VPS13B: variants seen among roughly 807,000 people sequenced by gnomAD.
The protein encoded by VPS13B is intermembrane lipid transfer protein VPS13B.
Under a neutral mutation model 426.4 loss-of-function variants are expected in VPS13B, and 285 were observed. That is an observed-to-expected ratio of 0.67 (90% CI 0.61 to 0.74). The LOEUF is 0.74. Among genes scored for constraint, VPS13B ranks in the 30% least tolerant of loss-of-function variants. VPS13B has a pLI of 0.00. For missense variants in VPS13B, 4,537 were observed against 4,782.6 expected, an observed-to-expected ratio of 0.95 and a Z score of 1.51; for synonymous variants, 1,676 against 1,676.4, an observed-to-expected ratio of 1.00 and a Z score of 0.01.
intron 31 of VPS13B, among the ~76,000 whole-genome samples, chr8:99,572,399 T>G (rs1482506292): frequency 2.0e-5 from 3 of 152,128 alleles, no homozygotes; most frequent in East Asian, 3.9e-4. Flanking sequence ...CCATGTTGGT[T>G]TGCTGCACCC....
intron 33 of VPS13B, among the ~76,000 whole-genome samples, chr8:99,602,181 T>A (rs1479171305): frequency 6.6e-6 from 1 of 152,166 alleles, no homozygotes; most frequent in African/African-American, 2.4e-5. Flanking sequence ...TTGTATGAGG[T>A]GTAAGGAAGG....
intron 43 of VPS13B, among the ~76,000 whole-genome samples, chr8:99,794,824 CTACTT>C (rs376968920): frequency 6.8e-4 from 104 of 152,240 alleles, no homozygotes; most frequent in African/African-American, 2.4e-3. Flanking sequence ...AAGCCCTTCT[CTACTT>C]TAAGATTTTT....
At chr8:99,548,512 A>G (rs1483501929) in intron 30 of VPS13B, among the ~76,000 whole-genome samples, 2 of 152,002 alleles carry the variant, frequency 1.3e-5, no homozygotes, top group Non-Finnish European at 2.9e-5. Context: ...TACCCCATAA[A>G]TTTATACATT....
intron 24 of VPS13B, among the ~76,000 whole-genome samples, chr8:99,468,019 A>G (rs1819201692): frequency 6.6e-6 from 1 of 152,156 alleles, no homozygotes; most frequent in South Asian, 2.1e-4. Context: ...TTATTATTAT[A>G]CTTTAACTTC....
chr8:99,014,079 T>TTATTTTAC, intron 2 of VPS13B, 144 bp downstream of exon 2: 1 of 869,910 alleles, frequency 1.1e-6, no homozygotes, highest in Non-Finnish European at 1.8e-6. Flanking sequence ...CAAGGGGGCT[T>TTATTTTAC]TATTTTACAC....
chr8:99,479,451 A>T (rs1288624265), intron 24 of VPS13B, among the ~76,000 whole-genome samples: 1 of 152,170 alleles, frequency 6.6e-6, no homozygotes, highest in Non-Finnish European at 1.5e-5. Flanking sequence ...AGGGATTTTT[A>T]AAAAATGTTT....
At chr8:99,797,615 C>T (rs1412766420) in intron 43 of VPS13B, among the ~76,000 whole-genome samples, 1 of 152,136 alleles carries the variant, frequency 6.6e-6, no homozygotes, top group African/African-American at 2.4e-5. Context: ...CTCCTGGTCA[C>T]ACACCCCTCC....
chr8:99,380,000 T>A (rs1001950340), intron 19 of VPS13B, among the ~76,000 whole-genome samples: 9 of 152,166 alleles, frequency 5.9e-5, no homozygotes, highest in Admixed American at 5.9e-4. Flanking sequence ...TGCTTTAAAA[T>A]CAAAAGGTCT....
At chr8:99,458,438 A>C (rs1039977955) in intron 23 of VPS13B, among the ~76,000 whole-genome samples, 10 of 152,272 alleles carry the variant, frequency 6.6e-5, no homozygotes, top group African/African-American at 2.4e-4. Context: ...ATACCCAGTA[A>C]TGGGATGGCT....
At chr8:99,697,677 C>T (rs1000888289) in intron 35 of VPS13B, 4 of 644,054 alleles carry the variant, frequency 6.2e-6, no homozygotes, top group East Asian at 3.1e-5. Flanking sequence ...TCGGGCAGAT[C>T]GAGGGCTTGA....
intron 17 of VPS13B, among the ~76,000 whole-genome samples, chr8:99,250,372 G>A (rs958196037): frequency 6.6e-6 from 1 of 151,966 alleles, no homozygotes; most frequent in African/African-American, 2.4e-5. Flanking sequence ...ATTTTGATGA[G>A]GCCAATTTTT....
At chr8:99,296,504 A>G (rs916757152) in intron 19 of VPS13B, among the ~76,000 whole-genome samples, 1 of 152,166 alleles carries the variant, frequency 6.6e-6, no homozygotes, top group Non-Finnish European at 1.5e-5. Context: ...ATTTGAATGA[A>G]TTTTTCTAGT....
rs183009315 is a variant in VPS13B, at chr8:99,050,865, A to C, written c.291+12299A>C. On this transcript the variant is annotated intron_variant, in intron 3 of 61. Coordinates refer to ENST00000357162, the MANE Select transcript of VPS13B (RefSeq NM_152564.5). ...AAGTGTCTGTTCATATGCTTTGCCC[A>C]CTTTTTGATGGGGTTGTTTTTTTCT... Among the ~76,000 whole-genome samples the C allele has an allele frequency of 1.1e-4, 16 of 152,228 alleles. No homozygotes were observed. The South Asian group carries it at 3.3e-3, about 32-fold the overall frequency.
At chr8:99,044,853 TACACAC>T (rs60056711) in intron 3 of VPS13B, among the ~76,000 whole-genome samples, 19,358 of 139,692 alleles carry the variant, frequency 0.14, 1,306 homozygotes, top group Non-Finnish European at 0.15. Context: ...TTCCATTTTA[TACACAC>T]ACACACACAC....
intron 43 of VPS13B, among the ~76,000 whole-genome samples, chr8:99,806,759 T>C (rs1813422343): frequency 6.6e-6 from 1 of 152,216 alleles, no homozygotes; most frequent in African/African-American, 2.4e-5. Flanking sequence ...TGTTACTAAA[T>C]GGAGACTTAC....
At chr8:99,126,858 C>G (rs973342784) in intron 8 of VPS13B, among the ~76,000 whole-genome samples, 81 of 152,038 alleles carry the variant, frequency 5.3e-4, no homozygotes, top group African/African-American at 1.9e-3. Context: ...CTTTAGGAGG[C>G]CAAAGCAGGC....
chr8:99,366,610 G>C (rs916304624), intron 19 of VPS13B, among the ~76,000 whole-genome samples: 3 of 148,740 alleles, frequency 2.0e-5, no homozygotes, highest in Non-Finnish European at 4.5e-5. Context: ...TGTTATTATT[G>C]ATAAGTAAAG....
At chr8:99,325,617 A>T (rs1473964842) in intron 19 of VPS13B, among the ~76,000 whole-genome samples, 1 of 152,216 alleles carries the variant, frequency 6.6e-6, no homozygotes, top group African/African-American at 2.4e-5. Flanking sequence ...CCAAAATCTC[A>T]ATCAGCTTAA....
chr8:99,015,371 C>T (rs1314455709), intron 2 of VPS13B, among the ~76,000 whole-genome samples: 1 of 151,630 alleles, frequency 6.6e-6, no homozygotes, highest in Admixed American at 6.6e-5. Context: ...CGCCCGCCAC[C>T]ACGCCTGGCT....
Sources: gnomAD v4.1 joint callset for allele counts (sites outside exome capture counted in the v4.1 genomes callset) on GRCh38, gnomAD v4.1.1 for gene constraint, MANE v1.5 for transcripts, NCBI Gene and HGNC (gene_info 2026-07-23, HGNC 2026-07-21) for gene names.